The following MRNIP variants were observed in gnomAD, a reference collection of about 807,000 sequenced individuals.
MRNIP encodes MRN complex-interacting protein.
A neutral mutation model predicts 29.8 loss-of-function variants in MRNIP; 30 were observed. The observed-to-expected ratio is 1.01, with a 90% CI of 0.75 to 1.36. The LOEUF is 1.36. MRNIP is among the 40% of genes most tolerant of loss of function. The pLI is 0.00. For synonymous variants in MRNIP, 201 were observed against 164.1 expected, an observed-to-expected ratio of 1.23 and a Z score of -1.72; for missense variants, 459 against 423.5, an observed-to-expected ratio of 1.08 and a Z score of -0.74.
chr5:179,841,082 A>T, intron 5 of MRNIP, 123 bp from the exon 6 acceptor site: 1 of 655,394 alleles, frequency 1.5e-6, no homozygotes, highest in Non-Finnish European at 2.7e-6. Flanking sequence ...CTTCCCAGGC[A>T]GCTGCTCAGG....
intron 5 of MRNIP, 48 bp from the exon 6 acceptor site, chr5:179,841,007 C>T: frequency 7.3e-7 from 1 of 1,379,064 alleles, no homozygotes; most frequent in Non-Finnish European, 1.0e-6. Flanking sequence ...TCCAGTGGCA[C>T]CCCGAGCCTG....
At chr5:179,843,041 A>AGAAGGAAGGAAGGGAG (rs1758968248) in intron 4 of MRNIP, among the ~76,000 whole-genome samples, 2 of 106,202 alleles carry the variant, frequency 1.9e-5, no homozygotes, top group Non-Finnish European at 3.5e-5. Context: ...AAAGGAGGAA[A>AGAAGGAAGGAAGGGAG]GAAGGAAGGA....
At position 179,841,914 on chromosome 5, in the gene MRNIP, T is replaced by C. The variant is rs750705316; in HGVS notation, c.442A>G (p.Arg148Gly). 10 of 1,613,624 alleles carry C rather than the reference T, an allele frequency of 6.2e-6. No homozygotes were observed. The highest frequency in any genetic ancestry group is 3.3e-5 in the Admixed American group (2 of 59,974). The change falls in exon 5 of 7, where the codon AGA becomes GGA. Residue 148 changes from arginine (R) to glycine (G), a missense_variant. Coordinates refer to ENST00000292586, the MANE Select transcript of MRNIP (RefSeq NM_016175.4). Reference protein sequence around the residue: ...PGPRFSQDLPRKRKWSRSTVQ... With the variant: ...PGPRFSQDLPGKRKWSRSTVQ... The stretch of plus-strand genomic sequence containing the variant: ...CGGAGACGCACTTGGTACCTTTTTC[T>C]AGGCAGGTCTTGACTGAAGCGGGGG...
At chr5:179,848,823 G>A (rs961947534) in intron 2 of MRNIP, among the ~76,000 whole-genome samples, 6 of 152,232 alleles carry the variant, frequency 3.9e-5, no homozygotes, top group African/African-American at 1.4e-4. Context: ...GGCTGTCTAG[G>A]GGAAGAACAT....
intron 1 of MRNIP, among the ~76,000 whole-genome samples, chr5:179,855,130 TTTTTAA>T (rs148297118): frequency 0.033 from 5,020 of 152,040 alleles, 267 homozygotes; most frequent in African/African-American, 0.11. Flanking sequence ...AAAAGCCAAT[TTTTTAA>T]TTTTAATTTT....
chr5:179,851,755 G>A (rs1759375554), intron 2 of MRNIP, among the ~76,000 whole-genome samples: 1 of 152,092 alleles, frequency 6.6e-6, no homozygotes, highest in Non-Finnish European at 1.5e-5. Context: ...AAGGTGGGCA[G>A]ATCACGAGGT....
At chr5:179,858,446 G>C (rs1381235931) in intron 1 of MRNIP, among the ~76,000 whole-genome samples, 2 of 152,108 alleles carry the variant, frequency 1.3e-5, no homozygotes, top group Admixed American at 1.3e-4. Flanking sequence ...CGTGGGGTAG[G>C]CTCTGCGTAA....
Position 179,848,043 on chromosome 5 carries a change from A to C in MRNIP, c.150T>G (p.Ala50=). Reference sequence around the variant, plus strand: ...ACTTTTGGACATGGCGTCTACAATCAGCACCAGAGCCTTCACCATAAGCCT... The same window carrying C: ...ACTTTTGGACATGGCGTCTACAATCCGCACCAGAGCCTTCACCATAAGCCT... ...FLQAYGEGSG[A]DCRRHVQKLN... The change falls in exon 3 of 7, where the codon GCT becomes GCG. Residue 50 remains alanine (A), a synonymous_variant. Coordinates refer to ENST00000292586, the MANE Select transcript of MRNIP (RefSeq NM_016175.4). 6.2e-7 allele frequency: 1 copy of C among 1,613,984 alleles called. No individual in the cohort carries two copies. Among genetic ancestry groups the C allele is most frequent in the Non-Finnish European group, 8.5e-7 (1 of 1,179,860 alleles).
chr5:179,845,927 C>T (rs1167391420), intron 3 of MRNIP: 1 of 152,198 alleles, frequency 6.6e-6, no homozygotes, highest in Non-Finnish European at 1.5e-5. Flanking sequence ...CCCTTCTTCC[C>T]TCACCGCTCC....
At chr5:179,858,466 T>C (rs1462868264) in intron 1 of MRNIP, among the ~76,000 whole-genome samples, 2 of 152,194 alleles carry the variant, frequency 1.3e-5, no homozygotes, top group African/African-American at 2.4e-5. Flanking sequence ...AAGGATGCTA[T>C]ACTCAACCGG....
chr5:179,850,036 G>A (rs1759297462), intron 2 of MRNIP, among the ~76,000 whole-genome samples: 1 of 151,976 alleles, frequency 6.6e-6, no homozygotes, highest in Admixed American at 6.5e-5. Flanking sequence ...CTATCGCACA[G>A]GCAGATGGTA....
In MRNIP at chr5:179,837,696, C is replaced by G; in HGVS notation, c.727G>C (p.Asp243His). The change falls in exon 7 of 7, where the codon GAC becomes CAC. Residue 243 changes from aspartate (D) to histidine (H), a missense_variant. Physicochemically the swap from Asp to His is moderately conservative, Grantham distance 81. Coordinates refer to ENST00000292586, the MANE Select transcript of MRNIP (RefSeq NM_016175.4). ...VLPPRKSSHVDSEQPRSLQRD... is the reference protein window; with the variant it reads ...VLPPRKSSHVHSEQPRSLQRD... Reference sequence around the variant, plus strand: ...TGAAGAGACCTTGGCTGCTCACTGTCCACATGTGAACTTTTTCTAGGTGGC... The same window carrying G: ...TGAAGAGACCTTGGCTGCTCACTGTGCACATGTGAACTTTTTCTAGGTGGC... 1 of 1,614,254 alleles carries G rather than the reference C, an allele frequency of 6.2e-7. No homozygotes were observed. Among genetic ancestry groups the G allele is most frequent in the South Asian group, 1.1e-5 (1 of 91,088 alleles).
chr5:179,848,405 A>G (rs1279707254), intron 2 of MRNIP, among the ~76,000 whole-genome samples: 1 of 152,252 alleles, frequency 6.6e-6, no homozygotes. Context: ...CATATTGTAT[A>G]ACATACTGCC....
At chr5:179,855,363 C>G (rs531281138) in intron 1 of MRNIP, among the ~76,000 whole-genome samples, 1 of 151,888 alleles carries the variant, frequency 6.6e-6, no homozygotes, top group Admixed American at 6.6e-5. Flanking sequence ...AGGCTGGTCT[C>G]GAACTCCTGA....
rs1759457784 is a variant in MRNIP, at chr5:179,853,516, C to A, written c.67-79G>T. 4 of 1,181,646 alleles carry A rather than the reference C, an allele frequency of 3.4e-6. No individual in the cohort carries two copies. The South Asian group carries it at 4.0e-5, about 12-fold the overall frequency. The allele number at this position is 1,181,646 out of a possible 1,614,324, so 73.2% of individuals were successfully genotyped here. A position where few individuals can be genotyped will look rare whatever the true frequency, so the allele number is the denominator to read the frequency against. ...ATTGGGCTGGACTCGGTGGCTCATG[C>A]CTGTAATCCCCCTTTGGGAGGCCGA... is the stretch of plus-strand genomic sequence containing the variant. On this transcript the variant is annotated intron_variant, in intron 1 of 6. Coordinates refer to ENST00000292586, the MANE Select transcript of MRNIP (RefSeq NM_016175.4).
chr5:179,840,648 T>C (rs1049492104), intron 6 of MRNIP: 4 of 590,656 alleles, frequency 6.8e-6, no homozygotes, highest in Non-Finnish European at 1.2e-5. Context: ...CAATGCTCTT[T>C]GGTCCTGAGT....
At position 179,842,052 on chromosome 5, in the gene MRNIP, G is replaced by T; in HGVS notation, c.304C>A (p.Pro102Thr). The stretch of plus-strand genomic sequence containing the variant: ...TACTTCAGCCAGCGACTCTCTGAGG[G>T]CTGCGATTTTTCCTGCCAGATTGAG... Reference protein sequence around the residue: ...GNVKQQEKSQPSESRWLKYLE... With the variant: ...GNVKQQEKSQTSESRWLKYLE... Residue 102 changes from proline to threonine, a missense_variant, in exon 5 of 7, where the codon CCC becomes ACC. Transcript: ENST00000292586. 1 of 1,612,812 alleles carries T rather than the reference G, an allele frequency of 6.2e-7. No homozygotes were observed. Among genetic ancestry groups the T allele is most frequent in the Non-Finnish European group, 8.5e-7 (1 of 1,179,680 alleles).
intron 4 of MRNIP, 106 bp from the exon 5 acceptor site, chr5:179,842,170 A>G: frequency 2.7e-6 from 3 of 1,117,560 alleles, no homozygotes; most frequent in Non-Finnish European, 3.9e-6. Context: ...AGTCATGTCC[A>G]GCTCCACTCT....
chr5:179,842,153 T>TC, intron 4 of MRNIP, 89 bp from the exon 5 acceptor site: 1 of 1,289,632 alleles, frequency 7.8e-7, no homozygotes, highest in Non-Finnish European at 1.1e-6. Context: ...GGCCTGAGGA[T>TC]CTCAGGAGTC....
Sources: gnomAD v4.1 joint callset for allele counts (sites outside exome capture counted in the v4.1 genomes callset) on GRCh38, gnomAD v4.1.1 for gene constraint, MANE v1.5 for transcripts, NCBI Gene and HGNC (gene_info 2026-07-23, HGNC 2026-07-21) for gene names.